The following GPC5 variants were observed in gnomAD, a reference collection of about 807,000 sequenced individuals.
GPC5 encodes glypican-5.
GPC5 carries 47 observed loss-of-function variants against 53.9 expected under a neutral mutation model. The observed-to-expected ratio is 0.87, with a 90% confidence interval of 0.69 to 1.11. The LOEUF (loss-of-function observed/expected upper bound fraction) is 1.11. Among genes scored for constraint, GPC5 ranks in the 50% most tolerant of loss-of-function variants. The pLI is 0.00. For synonymous variants in GPC5, 286 were observed against 263.3 expected (o/e 1.09, Z -0.84); for missense variants, 748 against 713.1 (o/e 1.05, Z -0.56).
chr13:91,852,403 T>C (rs2038924399), intron 5 of GPC5, among the ~76,000 whole-genome samples: 1 of 151,988 alleles, frequency 6.6e-6, no homozygotes, highest in East Asian at 1.9e-4. Context: ...TCATTTCCTA[T>C]GATAATAGTA....
chr13:92,543,958 A>C (rs1882016785), intron 7 of GPC5, among the ~76,000 whole-genome samples: 2 of 151,944 alleles, frequency 1.3e-5, no homozygotes, highest in African/African-American at 4.8e-5. Flanking sequence ...ATTGGGCTAT[A>C]TTGCTTTGTT....
intron 7 of GPC5, among the ~76,000 whole-genome samples, chr13:92,733,499 G>T (rs16947861): frequency 1.3e-5 from 2 of 151,674 alleles, no homozygotes; most frequent in Non-Finnish European, 3.0e-5. Flanking sequence ...TGGGTTAGAC[G>T]TTTTCTGAGC....
At chr13:92,559,939 A>G (rs184899249) in intron 7 of GPC5, among the ~76,000 whole-genome samples, 1 of 151,190 alleles carries the variant, frequency 6.6e-6, no homozygotes, top group Admixed American at 6.6e-5. Context: ...GGCACCCAAG[A>G]GTTCAGCATT....
intron 6 of GPC5, among the ~76,000 whole-genome samples, chr13:91,915,692 T>G (rs2039651736): frequency 6.6e-6 from 1 of 152,194 alleles, no homozygotes. Context: ...GCTAAAACTT[T>G]TATATATTTC....
intron 5 of GPC5, among the ~76,000 whole-genome samples, chr13:91,824,028 C>T (rs1040802335): frequency 1.3e-5 from 2 of 152,100 alleles, no homozygotes; most frequent in East Asian, 3.9e-4. Flanking sequence ...TGGGCCAGTA[C>T]AGAATGCATT....
chr13:92,297,587 G>T (rs967819239), intron 7 of GPC5, among the ~76,000 whole-genome samples: 93 of 152,122 alleles, frequency 6.1e-4, no homozygotes, highest in Non-Finnish European at 1.1e-3. Context: ...TGGGGCCTTG[G>T]AGAACCTGTG....
intron 5 of GPC5, among the ~76,000 whole-genome samples, chr13:91,845,859 GAA>G (rs2038843307): frequency 6.6e-6 from 1 of 152,124 alleles, no homozygotes; most frequent in Non-Finnish European, 1.5e-5. Context: ...TGCATGATTT[GAA>G]AAGAGTTGTT....
rs1018038131 is a variant in GPC5, at chr13:91,964,423, TACAGAGTGCTGATTGGTCTGTTTTG to T, written c.1401+56384_1401+56408del. On this transcript the variant is annotated intron_variant, in intron 6 of 7. Coordinates refer to ENST00000377067, the MANE Select transcript of GPC5 (RefSeq NM_004466.6). ...ATACAGAGTGCTGATTGGTCTGTTTTACAGAGTGCTGATTGGTCTGTTTTGACAGAGTGCTGATTGGTGCATTTAT... is the reference window on the plus strand; with the variant it reads ...ATACAGAGTGCTGATTGGTCTGTTTTACAGAGTGCTGATTGGTGCATTTAT... Among the ~76,000 whole-genome samples, 9 of 152,070 alleles carry T rather than the reference TACAGAGTGCTGATTGGTCTGTTTTG, an allele frequency of 5.9e-5. No homozygotes were observed. In the South Asian group the frequency reaches 6.3e-4, roughly 11 times the overall value.
chr13:91,925,484 A>G (rs1292058105), intron 6 of GPC5, among the ~76,000 whole-genome samples: 1 of 152,194 alleles, frequency 6.6e-6, no homozygotes, highest in Non-Finnish European at 1.5e-5. Flanking sequence ...ACTAGGTGCT[A>G]GGTATTATGA....
intron 7 of GPC5, among the ~76,000 whole-genome samples, chr13:92,232,995 C>A (rs1296689895): frequency 1.3e-5 from 2 of 152,274 alleles, no homozygotes; most frequent in South Asian, 4.1e-4. Context: ...TCGAGCATTT[C>A]TATCATATGT....
chr13:92,543,080 C>A (rs1881981046), intron 7 of GPC5, among the ~76,000 whole-genome samples: 1 of 151,918 alleles, frequency 6.6e-6, no homozygotes, highest in Non-Finnish European at 1.5e-5. Flanking sequence ...CATGCCTTTT[C>A]TCACCTCTTC....
intron 2 of GPC5, among the ~76,000 whole-genome samples, chr13:91,584,546 A>G (rs2032487466): frequency 6.6e-6 from 1 of 152,150 alleles, no homozygotes; most frequent in Non-Finnish European, 1.5e-5. Context: ...TTCATTGATA[A>G]TATAAGAGAA....
intron 7 of GPC5, among the ~76,000 whole-genome samples, chr13:92,662,734 T>TC (rs1222436893): frequency 3.3e-4 from 50 of 152,288 alleles, no homozygotes; most frequent in African/African-American, 1.1e-3. Context: ...CTCACCAAAG[T>TC]CCCAGATCCA....
chr13:92,417,628 T>G (rs535245461), intron 7 of GPC5, among the ~76,000 whole-genome samples: 3 of 152,272 alleles, frequency 2.0e-5, no homozygotes, highest in African/African-American at 4.8e-5. Flanking sequence ...GTCCCAGCAC[T>G]TTGGGAGGAA....
chr13:92,600,179 G>A (rs1193544840), intron 7 of GPC5, among the ~76,000 whole-genome samples: 2 of 152,076 alleles, frequency 1.3e-5, no homozygotes, highest in Non-Finnish European at 2.9e-5. Flanking sequence ...TCTCCTGTAG[G>A]TGGATTTGCT....
At chr13:92,010,616 AATAGGACTGG>A (rs2040652600) in intron 6 of GPC5, among the ~76,000 whole-genome samples, 1 of 152,200 alleles carries the variant, frequency 6.6e-6, no homozygotes, top group Admixed American at 6.5e-5. Flanking sequence ...GCTCTAATCC[AATAGGACTGG>A]TATCCTTATA....
intron 7 of GPC5, among the ~76,000 whole-genome samples, chr13:92,508,352 A>T (rs1447395654): frequency 6.6e-6 from 1 of 152,218 alleles, no homozygotes; most frequent in South Asian, 2.1e-4. Context: ...AGATAGGAAA[A>T]TTTTAAAGTC....
In GPC5 at chr13:91,435,110, A is replaced by G. The variant is rs193185899; in HGVS notation, c.164-13651A>G. 4.6e-5 allele frequency among the ~76,000 whole-genome samples: 7 copies of G among 152,254 alleles called. No homozygotes were observed. The East Asian group carries it at 1.4e-3, about 29-fold the overall frequency. On this transcript the variant is annotated intron_variant, in intron 1 of 7. Coordinates refer to ENST00000377067, the MANE Select transcript of GPC5 (RefSeq NM_004466.6). ...GGGCTGAGATGATGGGGTTTTCTAG[A>G]TATACAATCATGTCATCTGCAAACA...
intron 5 of GPC5, among the ~76,000 whole-genome samples, chr13:91,853,504 A>C (rs2038935803): frequency 6.6e-6 from 1 of 151,990 alleles, no homozygotes; most frequent in Non-Finnish European, 1.5e-5. Context: ...GATTTACAAC[A>C]GCTTCCACTG....
Sources: gnomAD v4.1 joint callset for allele counts (sites outside exome capture counted in the v4.1 genomes callset) on GRCh38, gnomAD v4.1.1 for gene constraint, MANE v1.5 for transcripts, NCBI Gene and HGNC (gene_info 2026-07-23, HGNC 2026-07-21) for gene names.